The following PDE1C variants were observed in gnomAD, a reference collection of about 807,000 sequenced individuals.
PDE1C encodes the protein dual specificity calcium/calmodulin-dependent 3',5'-cyclic nucleotide phosphodiesterase 1C.
Under a neutral mutation model 93.1 loss-of-function variants are expected in PDE1C, and 62 were observed. The observed-to-expected ratio is 0.67, with a 90% confidence interval of 0.54 to 0.82. The LOEUF is 0.82. Ranked by LOEUF, PDE1C falls within the 40% of genes least tolerant of loss-of-function variation. The pLI is 0.00. For synonymous variants in PDE1C, 325 were observed against 310.1 expected (o/e 1.05, Z -0.50); for missense variants, 742 against 884.6 (o/e 0.84, Z 2.04).
At chr7:32,400,963 T>G (rs1322969113) in intron 1 of PDE1C, among the ~76,000 whole-genome samples, 1 of 152,240 alleles carries the variant, frequency 6.6e-6, no homozygotes, top group East Asian at 1.9e-4. Flanking sequence ...TTTGCCTAAG[T>G]GGCAAAACAT....
chr7:31,675,243 GTAC>G, the PDE1C span, among the ~76,000 whole-genome samples: 2 of 152,088 alleles, frequency 1.3e-5, no homozygotes, highest in African/African-American at 4.8e-5. Context: ...TGAATTCAAG[GTAC>G]ATCCTTGAAT....
At chr7:32,206,564 GC>G (rs1805550823) in intron 2 of PDE1C, among the ~76,000 whole-genome samples, 1 of 152,172 alleles carries the variant, frequency 6.6e-6, no homozygotes, top group African/African-American at 2.4e-5. Flanking sequence ...GGTTCCAGGA[GC>G]TCCTCACCAA....
At chr7:31,735,201 C>T in the PDE1C span, among the ~76,000 whole-genome samples, 4 of 152,134 alleles carry the variant, frequency 2.6e-5, no homozygotes, top group Admixed American at 2.6e-4. Flanking sequence ...GAGTTTGAGA[C>T]CAGCCTGACC....
chr7:32,311,370 C>T (rs1488202853), intron 1 of PDE1C, among the ~76,000 whole-genome samples: 13 of 152,268 alleles, frequency 8.5e-5, no homozygotes, highest in Admixed American at 6.5e-4. Flanking sequence ...TTCCAATCAA[C>T]AGAAAACGAG....
chr7:31,840,695 T>C (rs1791748249), intron 9 of PDE1C, among the ~76,000 whole-genome samples: 3 of 152,188 alleles, frequency 2.0e-5, no homozygotes, highest in Admixed American at 2.0e-4. Context: ...ATATTTTCTT[T>C]TCCCCATTGA....
chr7:31,671,988 C>T, the PDE1C span, among the ~76,000 whole-genome samples: 1 of 152,126 alleles, frequency 6.6e-6, no homozygotes, highest in African/African-American at 2.4e-5. Context: ...TTTCAGGCTT[C>T]GATGATTGAT....
chr7:32,337,433 AG>A (rs1282663113), intron 1 of PDE1C, among the ~76,000 whole-genome samples: 1 of 152,228 alleles, frequency 6.6e-6, no homozygotes, highest in Non-Finnish European at 1.5e-5. Context: ...AAACTAGTAT[AG>A]TTGAATGAAA....
At chr7:32,138,112 T>A (rs897574991) in intron 3 of PDE1C, among the ~76,000 whole-genome samples, 1 of 152,170 alleles carries the variant, frequency 6.6e-6, no homozygotes, top group Non-Finnish European at 1.5e-5. Context: ...AGGGATAATA[T>A]AAGTAGCAAT....
chr7:31,707,478 T>C, the PDE1C span: 2 of 555,480 alleles, frequency 3.6e-6, no homozygotes, highest in Non-Finnish European at 6.3e-6. Flanking sequence ...GAGTATGGTT[T>C]CTATTCTGTG....
chr7:31,899,242 C>T (rs1187949089), intron 2 of PDE1C, among the ~76,000 whole-genome samples: 1 of 150,740 alleles, frequency 6.6e-6, no homozygotes, highest in Admixed American at 6.7e-5. Flanking sequence ...TGGTTCACAC[C>T]ATTCTCCTGC....
intron 1 of PDE1C, among the ~76,000 whole-genome samples, chr7:32,320,470 A>G (rs1383743333): frequency 3.9e-5 from 6 of 152,154 alleles, no homozygotes; most frequent in Non-Finnish European, 7.3e-5. Flanking sequence ...ACGTTTACCT[A>G]TATAACAAAC....
At chr7:31,845,261 T>G (rs1177075588) in intron 9 of PDE1C, among the ~76,000 whole-genome samples, 2 of 152,076 alleles carry the variant, frequency 1.3e-5, no homozygotes, top group Non-Finnish European at 2.9e-5. Flanking sequence ...TATCCTAGAG[T>G]GTGTATCTAT....
intron 1 of PDE1C, among the ~76,000 whole-genome samples, chr7:32,298,065 C>CTCT (rs1562660556): frequency 0.036 from 771 of 21,164 alleles, 299 homozygotes; most frequent in Non-Finnish European, 0.041. Context: ...TCTCTCTCTC[C>CTCT]CCTCTCTCTC....
At chr7:31,651,116 T>C in the PDE1C span, 2 of 1,605,988 alleles carry the variant, frequency 1.2e-6, no homozygotes. Context: ...AGGACTTTCT[T>C]CTCAGTTCTT....
intron 3 of PDE1C, among the ~76,000 whole-genome samples, chr7:32,127,739 G>A (rs193020787): frequency 2.0e-5 from 3 of 152,082 alleles, no homozygotes; most frequent in African/African-American, 4.8e-5. Context: ...ATAAGGACTA[G>A]TATAAGAAGA....
the PDE1C span, among the ~76,000 whole-genome samples, chr7:31,641,844 T>C: frequency 6.6e-6 from 1 of 152,218 alleles, no homozygotes; most frequent in Non-Finnish European, 1.5e-5. Flanking sequence ...TAGTGTGGCA[T>C]TTAAGGCATA....
chr7:31,688,077 A>C, the PDE1C span, among the ~76,000 whole-genome samples: 2 of 152,222 alleles, frequency 1.3e-5, no homozygotes, highest in Admixed American at 6.5e-5. Context: ...TTAGATAGAC[A>C]TATAATCACA....
intron 2 of PDE1C, among the ~76,000 whole-genome samples, chr7:32,004,111 C>G (rs1177274247): frequency 6.6e-6 from 1 of 152,072 alleles, no homozygotes; most frequent in Non-Finnish European, 1.5e-5. Context: ...AATGAGGACT[C>G]GAACTCAGTT....
intron 1 of PDE1C, among the ~76,000 whole-genome samples, chr7:32,317,373 A>C (rs529430435): frequency 6.6e-6 from 1 of 152,216 alleles, no homozygotes; most frequent in South Asian, 2.1e-4. Flanking sequence ...GCCCAGCCCC[A>C]GTAAAGTGGA....
Sources: allele counts gnomAD v4.1 joint callset (sites outside exome capture counted in the v4.1 genomes callset), GRCh38; gene constraint gnomAD v4.1.1; transcripts MANE v1.5; gene names NCBI Gene and HGNC (gene_info 2026-07-23, HGNC 2026-07-21).